The following SOCS2 variants were observed in gnomAD, a reference collection of about 807,000 sequenced individuals.
SOCS2 encodes the protein CIS-2.
In SOCS2, 10 loss-of-function variants were observed where a neutral mutation model predicts 18.6. The ratio of observed to expected loss-of-function variants is 0.54; its 90% CI spans 0.33 to 0.91. The LOEUF is 0.91. SOCS2 is among the 40% of genes least tolerant of loss of function. The probability of loss-of-function intolerance (pLI) is 0.02; values close to 1 mark genes in which losing one functional copy is unlikely to be tolerated. For missense variants in SOCS2, 231 were observed against 247.2 expected (o/e 0.93, Z 0.44); for synonymous variants, 104 against 104.0 (o/e 1.00, Z 0.00).
chr12:93,571,830 CT>C, upstream of SOCS2: 1 of 406,570 alleles, frequency 2.5e-6, no homozygotes, highest in Non-Finnish European at 4.9e-6. Context: ...CCCACCTCCC[CT>C]TTTCCCCCCA....
At chr12:93,626,200 C>T in the SOCS2 span, among the ~76,000 whole-genome samples, 1 of 152,132 alleles carries the variant, frequency 6.6e-6, no homozygotes. Flanking sequence ...ACAATGTACT[C>T]CTTGAAGGCT....
chr12:93,614,039 T>G, the SOCS2 span, among the ~76,000 whole-genome samples: 209 of 152,126 alleles, frequency 1.4e-3, 2 homozygotes, highest in African/African-American at 4.8e-3. Context: ...GGAATCCACT[T>G]TACTTGGAAT....
chr12:93,619,560 C>T, the SOCS2 span, among the ~76,000 whole-genome samples: 8 of 152,276 alleles, frequency 5.3e-5, no homozygotes, highest in Non-Finnish European at 1.0e-4. Context: ...CTAGTGGGTG[C>T]CATGTGGGCA....
At chr12:93,619,428 C>T in the SOCS2 span, among the ~76,000 whole-genome samples, 1 of 152,160 alleles carries the variant, frequency 6.6e-6, no homozygotes, top group Non-Finnish European at 1.5e-5. Flanking sequence ...TTGCTTGCTA[C>T]ATAGGTGCTC....
chr12:93,618,609 C>T, the SOCS2 span, among the ~76,000 whole-genome samples: 1 of 152,176 alleles, frequency 6.6e-6, no homozygotes, highest in Non-Finnish European at 1.5e-5. Flanking sequence ...TACATGTATG[C>T]CTCTACTGCC....
chr12:93,598,947 T>C, the SOCS2 span, among the ~76,000 whole-genome samples: 1 of 152,206 alleles, frequency 6.6e-6, no homozygotes, highest in Non-Finnish European at 1.5e-5. Context: ...CCAATTATTG[T>C]CCCTAGTGCC....
the SOCS2 span, among the ~76,000 whole-genome samples, chr12:93,594,968 G>A: frequency 6.6e-6 from 1 of 152,140 alleles, no homozygotes; most frequent in Admixed American, 6.5e-5. Flanking sequence ...TTTGAAAGTA[G>A]GGATTTATTG....
At chr12:93,613,245 G>A in the SOCS2 span, among the ~76,000 whole-genome samples, 2 of 152,146 alleles carry the variant, frequency 1.3e-5, no homozygotes, top group Admixed American at 6.5e-5. Flanking sequence ...ATAGAAAAAA[G>A]GGAGAACTCA....
the SOCS2 span, among the ~76,000 whole-genome samples, chr12:93,625,131 G>A: frequency 6.6e-6 from 1 of 152,132 alleles, no homozygotes; most frequent in African/African-American, 2.4e-5. Context: ...TTCCCATGCT[G>A]AATCATTCAC....
At chr12:93,615,975 GGAA>G in the SOCS2 span, among the ~76,000 whole-genome samples, 1 of 152,322 alleles carries the variant, frequency 6.6e-6, no homozygotes, top group South Asian at 2.1e-4. Flanking sequence ...GCTCAGAGGT[GGAA>G]AGATTTGTCC....
At chr12:93,610,748 A>G in the SOCS2 span, among the ~76,000 whole-genome samples, 2,306 of 152,222 alleles carry the variant, frequency 0.015, 70 homozygotes, top group African/African-American at 0.053. Context: ...ATGTAAGAAC[A>G]TGGCCATAAG....
Position 93,572,679 on chromosome 12 carries a change from T to C in SOCS2, c.-219T>C, listed in dbSNP as rs1353052825. The C allele has an allele frequency of 1.1e-5, 8 of 717,222 alleles. No homozygotes were observed. In the Admixed American group the frequency reaches 1.6e-4, roughly 14 times the overall value. 44.4% of individuals were successfully genotyped at this position (717,222 alleles called of 1,614,324 possible). A position where few individuals can be genotyped will look rare whatever the true frequency, so the allele number is the denominator to read the frequency against. ...ACTGACCCAACCTCCCGCTTTCTCTTTGTAGGCGATCAGTGGGTGACCGCG... is the reference window on the plus strand; with the variant it reads ...ACTGACCCAACCTCCCGCTTTCTCTCTGTAGGCGATCAGTGGGTGACCGCG... On this transcript the variant is annotated 5_prime_UTR_variant, in exon 1 of 2. Transcript: ENST00000551556. This position sits in a 1 kb window ranked among gnomAD's most constrained non-coding sequence, Gnocchi z 5.0.
downstream of SOCS2, among the ~76,000 whole-genome samples, chr12:93,580,490 G>A (rs193104921): frequency 3.1e-4 from 47 of 151,900 alleles, no homozygotes; most frequent in East Asian, 6.8e-3. Context: ...GTGTGGTGGC[G>A]CACACCTATA....
downstream of SOCS2, among the ~76,000 whole-genome samples, chr12:93,587,867 T>C (rs546789713): frequency 6.6e-6 from 1 of 152,340 alleles, no homozygotes; most frequent in African/African-American, 2.4e-5. Context: ...GGCAGGGAAC[T>C]GAGCACTCAG....
At chr12:93,611,463 C>G in the SOCS2 span, among the ~76,000 whole-genome samples, 3 of 152,278 alleles carry the variant, frequency 2.0e-5, no homozygotes, top group African/African-American at 4.8e-5. Context: ...TTTCTAACTC[C>G]TGACCTCAAG....
At chr12:93,625,654 A>G in the SOCS2 span, among the ~76,000 whole-genome samples, 2 of 150,812 alleles carry the variant, frequency 1.3e-5, no homozygotes, top group African/African-American at 4.9e-5. Flanking sequence ...AGGCTGAGGC[A>G]GGAGAATTGC....
chr12:93,583,370 G>A (rs1431678045), exon 2 of SOCS2: 1 of 152,006 alleles, frequency 6.6e-6, no homozygotes, highest in Non-Finnish European at 1.5e-5. Flanking sequence ...GAGTGCCATT[G>A]AGCTTTATTT....
chr12:93,588,539 G>T, the SOCS2 span, among the ~76,000 whole-genome samples: 1 of 152,072 alleles, frequency 6.6e-6, no homozygotes, highest in Non-Finnish European at 1.5e-5. Flanking sequence ...GAGGAGGTCA[G>T]TGTAGCCTAA....
the SOCS2 span, among the ~76,000 whole-genome samples, chr12:93,620,649 G>T: frequency 1.3e-5 from 2 of 151,994 alleles, no homozygotes; most frequent in Non-Finnish European, 2.9e-5. Context: ...CCTGACCTCA[G>T]GTGATCCACC....
Sources: allele counts gnomAD v4.1 joint callset (sites outside exome capture counted in the v4.1 genomes callset), GRCh38; gene constraint gnomAD v4.1.1; non-coding constraint Gnocchi (gnomAD v3.1); transcripts MANE v1.5; gene names NCBI Gene and HGNC (gene_info 2026-07-23, HGNC 2026-07-21).